The following TUSC3 variants were observed in gnomAD, a reference collection of about 807,000 sequenced individuals.
TUSC3 encodes the protein dolichyl-diphosphooligosaccharide--protein glycosyltransferase subunit TUSC3.
A neutral mutation model predicts 44.8 loss-of-function variants in TUSC3; 45 were observed. The ratio of observed to expected loss-of-function variants is 1.00; its 90% confidence interval spans 0.79 to 1.29. The LOEUF (loss-of-function observed/expected upper bound fraction) is 1.29, where lower values mean the gene tolerates loss of function less well. TUSC3 is among the 50% of genes most tolerant of loss of function. The pLI, the probability that TUSC3 is intolerant of heterozygous loss-of-function variation, is 0.00. For synonymous variants in TUSC3, 212 were observed against 152.9 expected, an observed-to-expected ratio of 1.39 and a Z score of -2.85; for missense variants, 519 against 437.9, an observed-to-expected ratio of 1.19 and a Z score of -1.65.
intron 1 of TUSC3, among the ~76,000 whole-genome samples, chr8:15,459,127 T>G (rs1246363564): frequency 6.6e-6 from 1 of 152,192 alleles, no homozygotes; most frequent in Admixed American, 6.5e-5. Flanking sequence ...CTTGATTTTT[T>G]TAAAGTCCTG....
the TUSC3 span, among the ~76,000 whole-genome samples, chr8:15,813,389 C>CAAAAAA: frequency 6.9e-5 from 10 of 145,150 alleles, no homozygotes; most frequent in South Asian, 2.2e-4. Context: ...AACAAACAAA[C>CAAAAAA]AAAAAAAAAA....
At chr8:15,660,418 T>C (rs559678396) in intron 4 of TUSC3, among the ~76,000 whole-genome samples, 1 of 152,040 alleles carries the variant, frequency 6.6e-6, no homozygotes, top group Non-Finnish European at 1.5e-5. Flanking sequence ...TAGATTGACA[T>C]AGACAATTTA....
At chr8:15,697,373 A>G (rs1440018915) in intron 6 of TUSC3, among the ~76,000 whole-genome samples, 2 of 152,002 alleles carry the variant, frequency 1.3e-5, no homozygotes, top group Admixed American at 6.6e-5. Context: ...GTGACCTTAG[A>G]TGGTCTGTTT....
intron 1 of TUSC3, among the ~76,000 whole-genome samples, chr8:15,613,149 T>C (rs1804835202): frequency 6.6e-6 from 1 of 150,746 alleles, no homozygotes; most frequent in Non-Finnish European, 1.5e-5. Context: ...TAGAGTTTAT[T>C]TGCCTTAAGG....
intron 2 of TUSC3, among the ~76,000 whole-genome samples, chr8:15,627,301 C>A (rs1026078378): frequency 1.3e-5 from 2 of 152,202 alleles, no homozygotes; most frequent in African/African-American, 2.4e-5. Flanking sequence ...ACCCTCCCTA[C>A]TGAGAGCTGA....
At position 15,516,306 on chromosome 8, in the gene TUSC3, A is replaced by C. The variant is rs570256747; in HGVS notation, n.189+32823A>C. On this transcript the variant is annotated intron_variant and non_coding_transcript_variant, in intron 2 of 5. Coordinates refer to the TUSC3 transcript ENST00000503191. ...GTGGTTTATTTCAAGTTTTTAAAGC[A>C]AGTTATTTAAGTGTTCTCATTTACC... 1.2e-4 allele frequency among the ~76,000 whole-genome samples: 19 copies of C among 152,308 alleles called. No homozygotes were observed. In the South Asian group the frequency reaches 3.7e-3, roughly 30 times the overall value.
the TUSC3 span, chr8:15,806,935 T>G: frequency 6.9e-7 from 1 of 1,444,288 alleles, no homozygotes; most frequent in Non-Finnish European, 9.7e-7. Context: ...CCATGTTTCT[T>G]CTCTGACATA....
At chr8:15,808,491 T>A in the TUSC3 span, among the ~76,000 whole-genome samples, 1 of 152,110 alleles carries the variant, frequency 6.6e-6, no homozygotes, top group Non-Finnish European at 1.5e-5. Flanking sequence ...TCAATATATA[T>A]CTCTTGTTGG....
chr8:15,477,525 A>G (rs1800595208), intron 1 of TUSC3, among the ~76,000 whole-genome samples: 1 of 152,102 alleles, frequency 6.6e-6, no homozygotes, highest in East Asian at 1.9e-4. Context: ...GATTGAGACC[A>G]TCCTGGCTAA....
At chr8:15,734,524 C>A (rs531899808) in intron 7 of TUSC3, among the ~76,000 whole-genome samples, 1 of 152,056 alleles carries the variant, frequency 6.6e-6, no homozygotes, top group Non-Finnish European at 1.5e-5. Flanking sequence ...TATATTTTTG[C>A]AAGTAAAAAT....
At chr8:15,621,639 C>T (rs1040187646) in intron 1 of TUSC3, among the ~76,000 whole-genome samples, 2 of 146,766 alleles carry the variant, frequency 1.4e-5, no homozygotes, top group Admixed American at 6.8e-5. Context: ...ATAGATAAAT[C>T]TATATAGATA....
intron 2 of TUSC3, among the ~76,000 whole-genome samples, chr8:15,624,868 C>G (rs1469424429): frequency 6.6e-6 from 1 of 151,946 alleles, no homozygotes; most frequent in East Asian, 1.9e-4. Context: ...TTTCCTTAGC[C>G]CTAGATCCCA....
the TUSC3 span, among the ~76,000 whole-genome samples, chr8:15,852,015 G>A: frequency 6.6e-6 from 1 of 152,062 alleles, no homozygotes; most frequent in East Asian, 1.9e-4. Flanking sequence ...TGTGCCTTTT[G>A]CCTTCCACCA....
In TUSC3 at chr8:15,586,991, G is replaced by C. The variant is rs1209932588; in HGVS notation, c.139-36089G>C. Among the ~76,000 whole-genome samples the C allele has an allele frequency of 2.6e-5, 4 of 152,222 alleles. No individual in the cohort carries two copies. In the East Asian group the frequency reaches 7.7e-4, roughly 29 times the overall value. ...AAAGTTTGAGAACTGCTGGTTGGGG[G>C]ATTACACTTTGAAAACCACTGCTTT... On this transcript the variant is annotated intron_variant, in intron 1 of 10. Coordinates refer to ENST00000503731, the MANE Select transcript of TUSC3 (RefSeq NM_006765.4).
intron 1 of TUSC3, among the ~76,000 whole-genome samples, chr8:15,564,894 A>G (rs1802608024): frequency 1.3e-5 from 2 of 152,114 alleles, no homozygotes; most frequent in Non-Finnish European, 2.9e-5. Flanking sequence ...TTTGGAAGAT[A>G]GAAGAGAAGG....
chr8:15,608,007 G>C (rs1804607841), intron 1 of TUSC3, among the ~76,000 whole-genome samples: 1 of 152,112 alleles, frequency 6.6e-6, no homozygotes, highest in Non-Finnish European at 1.5e-5. Context: ...GTGCAGTTTG[G>C]GGTTTCCTTA....
chr8:15,759,471 T>C (rs1812080052), intron 10 of TUSC3, among the ~76,000 whole-genome samples: 1 of 152,000 alleles, frequency 6.6e-6, no homozygotes, highest in Non-Finnish European at 1.5e-5. Flanking sequence ...GATGGAGTCA[T>C]TAATTCAAGA....
At chr8:15,442,650 C>T (rs1408418197) in intron 1 of TUSC3, among the ~76,000 whole-genome samples, 1 of 152,170 alleles carries the variant, frequency 6.6e-6, no homozygotes, top group Non-Finnish European at 1.5e-5. Context: ...ACACCTCCCC[C>T]AACCCCTTTG....
At chr8:15,427,866 TAGTTGTAC>T (rs1799824355) in intron 1 of TUSC3, among the ~76,000 whole-genome samples, 1 of 152,184 alleles carries the variant, frequency 6.6e-6, no homozygotes, top group African/African-American at 2.4e-5. Context: ...TTTCTTCTGG[TAGTTGTAC>T]AGTTTCAAGT....
Sources: gnomAD v4.1 joint callset for allele counts (sites outside exome capture counted in the v4.1 genomes callset) on GRCh38, gnomAD v4.1.1 for gene constraint, MANE v1.5 for transcripts, NCBI Gene and HGNC (gene_info 2026-07-23, HGNC 2026-07-21) for gene names.